The following CNIH3 variants were observed in gnomAD, a reference collection of about 807,000 sequenced individuals.
The protein encoded by CNIH3 is cornichon family AMPA receptor auxiliary protein 3.
In CNIH3, 14 loss-of-function variants were observed where a neutral mutation model predicts 24.1. That is an observed-to-expected ratio of 0.58 (90% CI 0.38 to 0.91). The LOEUF (loss-of-function observed/expected upper bound fraction) is 0.91, where lower values mean the gene tolerates loss of function less well. CNIH3 is among the 40% of genes least tolerant of loss of function. The probability of loss-of-function intolerance (pLI) is 0.00; values close to 1 mark genes in which losing one functional copy is unlikely to be tolerated. For missense variants in CNIH3, 178 were observed against 196.8 expected (o/e 0.90, Z 0.57); for synonymous variants, 68 against 73.8 (o/e 0.92, Z 0.40).
At chr1:224,695,227 C>T (rs55927231) in intron 3 of CNIH3, among the ~76,000 whole-genome samples, 9,298 of 152,232 alleles carry the variant, frequency 0.061, 360 homozygotes, top group East Asian at 0.14. Context: ...GGCCAGCAGT[C>T]GGCTTTCAGA....
chr1:224,506,857 G>T (rs1356813090), intron 1 of CNIH3, among the ~76,000 whole-genome samples: 2 of 152,064 alleles, frequency 1.3e-5, no homozygotes, highest in African/African-American at 4.8e-5. Context: ...ACTCATAAAA[G>T]AAGGAAGCAC....
intron 4 of CNIH3, among the ~76,000 whole-genome samples, chr1:224,573,533 C>A (rs748908508): frequency 2.6e-5 from 4 of 152,096 alleles, no homozygotes; most frequent in Non-Finnish European, 5.9e-5. Flanking sequence ...GGAGGGAGTC[C>A]AAGAAAGGTC....
At chr1:224,717,145 T>C (rs4653405) in intron 3 of CNIH3, among the ~76,000 whole-genome samples, 151,459 of 152,336 alleles carry the variant, frequency 0.99, 75,297 homozygotes, top group South Asian at 1. Flanking sequence ...CATGCACACG[T>C]GTGCTTGGGC....
At chr1:224,726,774 A>G (rs1689047818) in intron 3 of CNIH3, among the ~76,000 whole-genome samples, 2 of 152,208 alleles carry the variant, frequency 1.3e-5, no homozygotes, top group Admixed American at 1.3e-4. Flanking sequence ...TTATGACTCT[A>G]GAAAGCAGGG....
chr1:224,513,518 C>T (rs1678255063), upstream of CNIH3, among the ~76,000 whole-genome samples: 1 of 152,008 alleles, frequency 6.6e-6, no homozygotes, highest in African/African-American at 2.4e-5. Context: ...TGCCCGAGCC[C>T]CACTTCCCAG....
intron 1 of CNIH3, among the ~76,000 whole-genome samples, chr1:224,656,149 G>T (rs992135294): frequency 3.3e-5 from 5 of 152,132 alleles, no homozygotes; most frequent in Non-Finnish European, 7.4e-5. Context: ...CATCAATCCT[G>T]GATGCTTCAT....
At chr1:224,585,064 A>G (rs965574320) in intron 5 of CNIH3, among the ~76,000 whole-genome samples, 1 of 152,164 alleles carries the variant, frequency 6.6e-6, no homozygotes, top group Non-Finnish European at 1.5e-5. Context: ...TTTCCCTCGC[A>G]TTGAGACCCC....
chr1:224,489,277 T>TCACATGTGGTGAC (rs1168232406), intron 1 of CNIH3, among the ~76,000 whole-genome samples: 3 of 152,244 alleles, frequency 2.0e-5, no homozygotes, highest in African/African-American at 7.2e-5. Context: ...GGTTCCAGCA[T>TCACATGTGGTGAC]CAGCTGGACA....
chr1:224,497,443 A>C (rs1272557635), intron 1 of CNIH3, among the ~76,000 whole-genome samples: 2 of 152,268 alleles, frequency 1.3e-5, no homozygotes, highest in Non-Finnish European at 2.9e-5. Context: ...GAATTAATCA[A>C]TTATACTGTG....
chr1:224,524,623 C>T (rs904022715), intron 2 of CNIH3, among the ~76,000 whole-genome samples: 1 of 152,054 alleles, frequency 6.6e-6, no homozygotes, highest in African/African-American at 2.4e-5. Context: ...AGTATAGTTG[C>T]ATTGTGTTAG....
chr1:224,522,442 G>T (rs1204770753), intron 2 of CNIH3, among the ~76,000 whole-genome samples: 1 of 152,126 alleles, frequency 6.6e-6, no homozygotes, highest in Non-Finnish European at 1.5e-5. Context: ...CATCCTCGGG[G>T]TTATCAAAAG....
At chr1:224,454,655 C>CT (rs1675571234) in intron 1 of CNIH3, among the ~76,000 whole-genome samples, 1 of 152,200 alleles carries the variant, frequency 6.6e-6, no homozygotes, top group Admixed American at 6.5e-5. Context: ...AAGCTCGTGA[C>CT]TGGCTCAGAA....
intron 3 of CNIH3, among the ~76,000 whole-genome samples, chr1:224,718,249 A>G (rs894864407): frequency 6.6e-6 from 1 of 151,778 alleles, no homozygotes; most frequent in Admixed American, 6.6e-5. Context: ...GGTGACCTTG[A>G]GTAGGTTCTT....
intron 5 of CNIH3, among the ~76,000 whole-genome samples, chr1:224,585,113 T>G (rs1217355108): frequency 3.3e-5 from 5 of 152,222 alleles, no homozygotes; most frequent in African/African-American, 1.2e-4. Flanking sequence ...CAGGGTTTGC[T>G]GCAACTTACT....
intron 4 of CNIH3, among the ~76,000 whole-genome samples, chr1:224,573,551 A>G (rs1680910497): frequency 6.6e-6 from 1 of 152,224 alleles, no homozygotes; most frequent in African/African-American, 2.4e-5. Context: ...GTCCTTTTCT[A>G]AGGCAGAATA....
At chr1:224,607,804 T>C (rs924537576) in intron 3 of CNIH3, among the ~76,000 whole-genome samples, 4 of 152,138 alleles carry the variant, frequency 2.6e-5, no homozygotes, top group African/African-American at 9.7e-5. Flanking sequence ...AAATGGGAAG[T>C]TGGTGTGTGT....
At chr1:224,538,815 A>T (rs1211519045), downstream of CNIH3, among the ~76,000 whole-genome samples, 1 of 147,112 alleles carries the variant, frequency 6.8e-6, no homozygotes, top group Admixed American at 6.9e-5. Flanking sequence ...ATGGCCACCT[A>T]GCCCAGCTAA....
chr1:224,479,311 G>T (rs902558775), intron 1 of CNIH3, among the ~76,000 whole-genome samples: 1 of 151,952 alleles, frequency 6.6e-6, no homozygotes, highest in African/African-American at 2.4e-5. Flanking sequence ...GCGTCACCAC[G>T]CCCGGCTAAT....
intron 2 of CNIH3, among the ~76,000 whole-genome samples, chr1:224,528,562 A>T (rs1412004697): frequency 1.3e-5 from 2 of 152,048 alleles, no homozygotes; most frequent in South Asian, 2.1e-4. Flanking sequence ...GCTTCAAGTG[A>T]TCCACCTCAG....
Sources: allele counts gnomAD v4.1 joint callset (sites outside exome capture counted in the v4.1 genomes callset), GRCh38; gene constraint gnomAD v4.1.1; transcripts MANE v1.5; gene names NCBI Gene and HGNC (gene_info 2026-07-23, HGNC 2026-07-21).